The following BRCA2 variants were observed in gnomAD, a reference collection of about 807,000 sequenced individuals.
The protein encoded by BRCA2 is breast cancer type 2 susceptibility protein.
Under a neutral mutation model 276.7 loss-of-function variants are expected in BRCA2, and 203 were observed. The observed-to-expected ratio is 0.73, with a 90% CI of 0.65 to 0.82. BRCA2 has a LOEUF of 0.82. Among genes scored for constraint, BRCA2 ranks in the 40% least tolerant of loss-of-function variants. The pLI is 0.00. For missense variants in BRCA2, 3,920 were observed against 3,915.0 expected (o/e 1.00, Z -0.03); for synonymous variants, 1,289 against 1,338.4 (o/e 0.96, Z 0.81).
At chr13:32,378,769 T>G (rs539632761) in intron 21 of BRCA2, among the ~76,000 whole-genome samples, 180 of 152,302 alleles carry the variant, frequency 1.2e-3, no homozygotes, top group Non-Finnish European at 2.3e-3. Flanking sequence ...AGGACAGAAG[T>G]GTAGAGGCAA....
chr13:32,365,467 G>A (rs1037611432), intron 18 of BRCA2, among the ~76,000 whole-genome samples: 11 of 152,104 alleles, frequency 7.2e-5, no homozygotes, highest in South Asian at 4.2e-4. Context: ...TGCAACCTCC[G>A]CCTCTCGGGT....
intron 13 of BRCA2, among the ~76,000 whole-genome samples, chr13:32,351,301 G>A (rs1298471425): frequency 2.0e-5 from 3 of 151,824 alleles, no homozygotes; most frequent in African/African-American, 4.8e-5. Context: ...AACCCTGTAC[G>A]TGCCATCTTT....
rs149978213 is a variant in BRCA2 at position 32,320,753 on chromosome 13, A to G, written c.316+1428A>G. Among the ~76,000 whole-genome samples the G allele has an allele frequency of 2.1e-4, 32 of 152,354 alleles. No individual in the cohort carries two copies. In the East Asian group the frequency reaches 5.8e-3, roughly 28 times the overall value. ...TGTTATTGGATACCAAATGGTATACATAGGATTCAGTAAATATTTGTAGAG... is the reference window on the plus strand; with the variant it reads ...TGTTATTGGATACCAAATGGTATACGTAGGATTCAGTAAATATTTGTAGAG... On this transcript the variant is annotated intron_variant, in intron 3 of 26. Transcript: ENST00000380152.
chr13:32,332,490 G>A lies in BRCA2; in HGVS notation c.1012G>A (p.Ala338Thr), dbSNP rs80358396. Residue 338 changes from alanine to threonine, a missense_variant, in exon 10 of 27, where the codon GCT becomes ACT. By Grantham distance (58) the Ala-to-Thr change is moderately conservative. Around this residue, in one of 2 missense-constraint regions of BRCA2, gnomAD observed 3,263 missense variants for 3,156.9 expected, o/e 1.03. Coordinates refer to ENST00000380152, the MANE Select transcript of BRCA2 (RefSeq NM_000059.4). Reference protein sequence around the residue: ...TRKKIFHEANADECEKSKNQV... With the variant: ...TRKKIFHEANTDECEKSKNQV... ...GAAAAAAATTTTCCATGAAGCAAAC[G>A]CTGATGAATGTGAAAAATCTAAAAA... 9.9e-6 allele frequency: 16 copies of A among 1,609,122 alleles called. No individual in the cohort carries two copies. The highest frequency in any genetic ancestry group is 1.7e-4 in the Middle Eastern group (1 of 6,040).
intron 25 of BRCA2, 73 bp downstream of exon 25, chr13:32,395,006 G>A: frequency 6.3e-7 from 1 of 1,587,582 alleles, no homozygotes; most frequent in Non-Finnish European, 8.6e-7. Flanking sequence ...CAAGGAAATA[G>A]CTTTTATACA....
At chr13:32,395,621 C>A (rs369722092) in intron 25 of BRCA2, among the ~76,000 whole-genome samples, 2 of 152,040 alleles carry the variant, frequency 1.3e-5, no homozygotes, top group East Asian at 3.9e-4. Context: ...AATGCAGAAC[C>A]CAGACTAGGA....
Position 32,398,145 on chromosome 13 carries a change from T to C in BRCA2, c.9649-17T>C, listed in dbSNP as rs1566260726. ...ACTACATAATTATGATAGGCTACGT[T>C]TTCATTTTTTTATCAGATGTCTTCT... On this transcript the variant is annotated splice_polypyrimidine_tract_variant and intron_variant, in intron 26 of 26. Transcript: ENST00000380152. 1 of 1,599,074 alleles carries C rather than the reference T, an allele frequency of 6.3e-7. No homozygotes were observed. Among genetic ancestry groups the C allele is most frequent in the Non-Finnish European group, 8.5e-7 (1 of 1,172,612 alleles).
chr13:32,397,326 T>G (rs773559379), intron 26 of BRCA2, among the ~76,000 whole-genome samples: 1 of 152,244 alleles, frequency 6.6e-6, no homozygotes, highest in Non-Finnish European at 1.5e-5. Context: ...GGGTTGTTTC[T>G]AAGCTGTTTG....
intron 16 of BRCA2, among the ~76,000 whole-genome samples, chr13:32,358,976 C>G (rs1287021550): frequency 6.6e-6 from 1 of 151,312 alleles, no homozygotes; most frequent in Non-Finnish European, 1.5e-5. Flanking sequence ...AATCCCAGCA[C>G]TTTGGGAGGT....
At position 32,332,338 on chromosome 13, in the gene BRCA2, T is replaced by A. The variant is rs2072398884; in HGVS notation, c.860T>A (p.Met287Lys). The change falls in exon 10 of 27, where the codon ATG (methionine) becomes AAG (lysine). Residue 287 changes from methionine to lysine, a missense_variant. Met to Lys is a moderately conservative substitution (Grantham distance 95). This residue lies in a region of BRCA2 where 3,263 missense variants were observed against 3,156.9 expected (regional missense o/e 1.03). Transcript: ENST00000380152. ...NSCKDHIGKS[M>K]PNVLEDEVYE... is the part of the protein sequence containing the mutation. ...TGCAAAGACCACATTGGAAAGTCAA[T>A]GCCAAATGTCCTAGAAGATGAAGTA... 2 of 1,600,698 alleles carry A rather than the reference T, an allele frequency of 1.2e-6. No individual in the cohort carries two copies. The highest frequency in any genetic ancestry group is 1.7e-6 in the Non-Finnish European group (2 of 1,174,356).
chr13:32,331,156 T>C (rs1241016951), intron 9 of BRCA2, 126 bp downstream of exon 9: 1 of 697,210 alleles, frequency 1.4e-6, no homozygotes, highest in South Asian at 1.6e-5. Context: ...CCTCCCGTGC[T>C]CAAGCGATCC....
intron 25 of BRCA2, among the ~76,000 whole-genome samples, chr13:32,396,522 A>G (rs977925962): frequency 5.9e-5 from 9 of 152,208 alleles, no homozygotes; most frequent in Non-Finnish European, 1.3e-4. Flanking sequence ...CTAACCAAAG[A>G]AGTACCTTTA....
intron 8 of BRCA2, among the ~76,000 whole-genome samples, chr13:32,329,950 G>C (rs1175642486): frequency 6.6e-6 from 1 of 152,150 alleles, no homozygotes; most frequent in Non-Finnish European, 1.5e-5. Context: ...TAAAAGTTAT[G>C]TGAATGTTGT....
rs547450716 is a variant in BRCA2 at position 32,380,275 on chromosome 13, T to C, written c.9256+130T>C. The C allele has an allele frequency of 7.2e-6, 6 of 833,190 alleles. No homozygotes were observed. The East Asian group carries it at 1.6e-4, about 23-fold the overall frequency. The allele number at this position is 833,190 out of a possible 1,614,324, so 51.6% of individuals were successfully genotyped here. A position where few individuals can be genotyped will look rare whatever the true frequency, so the allele number is the denominator to read the frequency against. ...CTAACTAGTGATCTGAAAGTAAGCC[T>C]CTTTGAACCTCTGATTTTTCATGAA... On this transcript the variant is annotated intron_variant, in intron 24 of 26. Coordinates refer to ENST00000380152, the MANE Select transcript of BRCA2 (RefSeq NM_000059.4).
chr13:32,352,790 T>A lies in BRCA2; in HGVS notation c.7008-2071T>A, dbSNP rs869312523. Among the ~76,000 whole-genome samples the A allele has an allele frequency of 3.3e-5, 5 of 152,204 alleles. No individual in the cohort carries two copies. The highest frequency in any genetic ancestry group is 7.3e-5 in the Non-Finnish European group (5 of 68,038). ...TAGAAGTATACCAAAGCAAAACTGT[T>A]GCAAGGAGATTAGTAAATACAGGTC... On this transcript the variant is annotated intron_variant, in intron 13 of 26. Coordinates refer to ENST00000380152, the MANE Select transcript of BRCA2 (RefSeq NM_000059.4).
chr13:32,327,693 T>G (rs937518116), intron 7 of BRCA2, among the ~76,000 whole-genome samples: 1 of 151,472 alleles, frequency 6.6e-6, no homozygotes, highest in Non-Finnish European at 1.5e-5. Context: ...AAAAATCCTG[T>G]TATAAAACTA....
At chr13:32,363,133 C>G (rs1159539161) in intron 17 of BRCA2, 46 bp from the exon 18 acceptor site, 3 of 1,491,434 alleles carry the variant, frequency 2.0e-6, no homozygotes, top group Non-Finnish European at 2.8e-6. Flanking sequence ...CAGTGGAATT[C>G]TAGAGTCACA....
intron 20 of BRCA2, among the ~76,000 whole-genome samples, chr13:32,374,778 CTCCAAACTCT>C (rs765569367): frequency 1.1e-4 from 17 of 152,318 alleles, no homozygotes; most frequent in Non-Finnish European, 2.4e-4. Flanking sequence ...CTTCTGAGCC[CTCCAAACTCT>C]TCCAATCTCT....
In BRCA2 at chr13:32,394,763, G is replaced by A. The variant is rs397508047; in HGVS notation, c.9331G>A (p.Glu3111Lys). 1.2e-6 allele frequency: 2 copies of A among 1,614,024 alleles called. No homozygotes were observed. The highest frequency in any genetic ancestry group is 1.7e-6 in the Non-Finnish European group (2 of 1,179,968). The change falls in exon 25 of 27, where the codon GAG becomes AAG. Residue 3111 changes from glutamate (E) to lysine (K), a missense_variant. By Grantham distance (56) the Glu-to-Lys change is moderately conservative. Around this residue, in one of 2 missense-constraint regions of BRCA2, gnomAD observed 657 missense variants for 758.2 expected, o/e 0.87. Transcript: ENST00000380152. ...LAIKFWIDLNEDIIKPHMLIA... is the reference protein window; with the variant it reads ...LAIKFWIDLNKDIIKPHMLIA... ...AATAAAGTTTTGGATAGACCTTAAT[G>A]AGGACATTATTAAGCCTCATATGTT...
Sources: gnomAD v4.1 joint callset for allele counts (sites outside exome capture counted in the v4.1 genomes callset) on GRCh38, gnomAD v4.1.1 for gene constraint, gnomAD v4.1.1 regional missense constraint, MANE v1.5 for transcripts, NCBI Gene and HGNC (gene_info 2026-07-23, HGNC 2026-07-21) for gene names.